The following RNASEH1 variants were observed in gnomAD, a reference collection of about 807,000 sequenced individuals.
RNASEH1 encodes ribonuclease H1.
RNASEH1 carries 27 observed loss-of-function variants against 34.6 expected under a neutral mutation model. The ratio of observed to expected loss-of-function variants is 0.78; its 90% CI spans 0.58 to 1.08. RNASEH1 has a LOEUF of 1.08. RNASEH1 is among the 50% of genes least tolerant of loss of function. The pLI is 0.00. For synonymous variants in RNASEH1, 162 were observed against 138.4 expected, an observed-to-expected ratio of 1.17 and a Z score of -1.20; for missense variants, 349 against 373.6, an observed-to-expected ratio of 0.93 and a Z score of 0.54.
chr2:3,553,482 C>G (rs1660189973), intron 2 of RNASEH1, among the ~76,000 whole-genome samples: 1 of 151,938 alleles, frequency 6.6e-6, no homozygotes, highest in South Asian at 2.1e-4. Context: ...CTTCCACCTC[C>G]CTGGTTCAAG....
intron 2 of RNASEH1, among the ~76,000 whole-genome samples, chr2:3,554,017 C>T (rs1046231183): frequency 3.3e-5 from 5 of 152,174 alleles, no homozygotes; most frequent in Non-Finnish European, 7.3e-5. Context: ...GCTCTCAACT[C>T]CTAAACCAGG....
intron 3 of RNASEH1, among the ~76,000 whole-genome samples, chr2:3,551,924 T>C (rs1314944242): frequency 1.3e-5 from 2 of 152,268 alleles, no homozygotes. Flanking sequence ...ATTACAGTTG[T>C]TCATTTACAT....
At chr2:3,532,506 C>T in the RNASEH1 span, among the ~76,000 whole-genome samples, 1 of 152,156 alleles carries the variant, frequency 6.6e-6, no homozygotes, top group Non-Finnish European at 1.5e-5. Context: ...GGTGATTTCA[C>T]ACCCCTAGAT....
intron 5 of RNASEH1, 53 bp from the exon 6 acceptor site, chr2:3,548,777 T>C (rs1669002486): frequency 7.6e-7 from 1 of 1,318,298 alleles, no homozygotes; most frequent in African/African-American, 1.4e-5. Context: ...ACTCTGACAT[T>C]ACTAAAGTTC....
chr2:3,551,886 T>C (rs987256837), intron 3 of RNASEH1, among the ~76,000 whole-genome samples: 1 of 152,252 alleles, frequency 6.6e-6, no homozygotes, highest in Non-Finnish European at 1.5e-5. Context: ...AAGTACTGCA[T>C]GCACAGGGAA....
chr2:3,549,970 T>A (rs1050023187), intron 4 of RNASEH1, among the ~76,000 whole-genome samples: 1 of 142,748 alleles, frequency 7.0e-6, no homozygotes, highest in African/African-American at 2.6e-5. Context: ...AAAAGACTCC[T>A]CCCCAGGGCA....
rs1668441034 is a variant in RNASEH1 at position 3,543,185 on chromosome 2, T to C, written c.*2600A>G. On this transcript the variant is annotated 3_prime_UTR_variant, in exon 8 of 8. Coordinates refer to ENST00000315212, the MANE Select transcript of RNASEH1 (RefSeq NM_002936.6). ...AAACATGCCTATGTGAGGTGGAGGCTGACCTGCAGTCAGTCTGGCCATGTA... is the reference window on the plus strand; with the variant it reads ...AAACATGCCTATGTGAGGTGGAGGCCGACCTGCAGTCAGTCTGGCCATGTA... 6.6e-6 allele frequency among the ~76,000 whole-genome samples: 1 copy of C among 152,222 alleles called. No individual in the cohort carries two copies. The highest frequency in any genetic ancestry group is 2.4e-5 in the African/African-American group (1 of 41,462).
chr2:3,533,893 C>T, the RNASEH1 span: 1 of 152,268 alleles, frequency 6.6e-6, no homozygotes, highest in Non-Finnish European at 1.5e-5. Context: ...TGGGGCAGGT[C>T]CCCAGTGAAG....
the RNASEH1 span, chr2:3,532,358 C>G: frequency 1.4e-6 from 1 of 702,190 alleles, no homozygotes; most frequent in South Asian, 1.5e-5. Context: ...TTCACAGGTG[C>G]CAGCCAGAGA....
rs185548134 is a variant in RNASEH1 at position 3,542,246 on chromosome 2, T to C, written c.*3539A>G. 3.3e-5 allele frequency among the ~76,000 whole-genome samples: 5 copies of C among 152,182 alleles called. No homozygotes were observed. The highest frequency in any genetic ancestry group is 1.9e-4 in the East Asian group (1 of 5,182). ...CACATAGAAAGAGCACACCATACGC[T>C]TGCAAATATGGACCAGGACAACCAA... On this transcript the variant is annotated 3_prime_UTR_variant, in exon 8 of 8. Transcript: ENST00000315212.
intron 2 of RNASEH1, among the ~76,000 whole-genome samples, chr2:3,555,071 T>C (rs1412777987): frequency 6.6e-6 from 1 of 152,242 alleles, no homozygotes; most frequent in Non-Finnish European, 1.5e-5. Flanking sequence ...AACAATGTTA[T>C]GTTGAAGACT....
At chr2:3,545,998 T>TC in intron 7 of RNASEH1, 127 bp from the exon 8 acceptor site, 1 of 686,398 alleles carries the variant, frequency 1.5e-6, no homozygotes. Context: ...AACGCTCCTC[T>TC]CCCCAGACAT....
chr2:3,556,909 A>G lies in RNASEH1; in HGVS notation c.129-5T>C. Reference sequence around the variant, plus strand: ...ACCTGTGCTCTGCACTCATTCCTGGAAAAGATGTGCAATGTTATTTCCTTC... The same window carrying G: ...ACCTGTGCTCTGCACTCATTCCTGGGAAAGATGTGCAATGTTATTTCCTTC... On this transcript the variant is annotated splice_region_variant and splice_polypyrimidine_tract_variant and intron_variant, in intron 1 of 7. Coordinates refer to ENST00000315212, the MANE Select transcript of RNASEH1 (RefSeq NM_002936.6). 1 of 1,593,460 alleles carries G rather than the reference A, an allele frequency of 6.3e-7. No individual in the cohort carries two copies. Among genetic ancestry groups the G allele is most frequent in the Non-Finnish European group, 8.6e-7 (1 of 1,161,330 alleles).
At chr2:3,538,151 C>T (rs1258106675), downstream of RNASEH1, among the ~76,000 whole-genome samples, 4 of 151,872 alleles carry the variant, frequency 2.6e-5, no homozygotes, top group Non-Finnish European at 5.9e-5. Flanking sequence ...GAGTCGGAGA[C>T]CAGCCTGGCC....
Position 3,558,114 on chromosome 2 carries a change from C to A in RNASEH1, c.128+19G>T, listed in dbSNP as rs1237216739. On this transcript the variant is annotated intron_variant, in intron 1 of 7. Transcript: ENST00000315212. The stretch of plus-strand genomic sequence containing the variant: ...CCCCGATGCCGGCAGGGAGGCGCCT[C>A]GGCGGGCGGGCCACTCACCAGGTCA... 3 of 1,577,830 alleles carry A rather than the reference C, an allele frequency of 1.9e-6. No individual in the cohort carries two copies. The highest frequency in any genetic ancestry group is 4.7e-5 in the East Asian group (2 of 42,846).
At chr2:3,555,598 G>A (rs993613595) in intron 2 of RNASEH1, among the ~76,000 whole-genome samples, 3 of 152,192 alleles carry the variant, frequency 2.0e-5, no homozygotes, top group African/African-American at 7.2e-5. Flanking sequence ...TCAGGTTCAA[G>A]CATCTCAGTG....
chr2:3,558,106 A>G, intron 1 of RNASEH1, 27 bp downstream of exon 1: 1 of 1,573,510 alleles, frequency 6.4e-7, no homozygotes, highest in Non-Finnish European at 8.6e-7. Flanking sequence ...GCCGGCAGGG[A>G]GGCGCCTCGG....
chr2:3,557,058 G>A (rs145392726), intron 1 of RNASEH1, among the ~76,000 whole-genome samples, 154 bp from the exon 2 acceptor site: 2 of 152,244 alleles, frequency 1.3e-5, no homozygotes, highest in Admixed American at 6.5e-5. Context: ...ACCAACATCA[G>A]AGGATGCTTA....
chr2:3,548,888 A>G (rs770378256), intron 5 of RNASEH1, among the ~76,000 whole-genome samples, 164 bp from the exon 6 acceptor site: 14 of 152,286 alleles, frequency 9.2e-5, no homozygotes, highest in East Asian at 1.9e-4. Context: ...TCTATTTGAA[A>G]TAAGTTTTTA....
Sources: gnomAD v4.1 joint callset for allele counts (sites outside exome capture counted in the v4.1 genomes callset) on GRCh38, gnomAD v4.1.1 for gene constraint, MANE v1.5 for transcripts, NCBI Gene and HGNC (gene_info 2026-07-23, HGNC 2026-07-21) for gene names.